The following OPN5 variants were observed in gnomAD, a reference collection of about 807,000 sequenced individuals.
The protein encoded by OPN5 is opsin 5.
A neutral mutation model predicts 41.7 loss-of-function variants in OPN5; 18 were observed. That is an observed-to-expected ratio of 0.43 (90% CI 0.30 to 0.64). OPN5 has a LOEUF of 0.64. OPN5 is among the 30% of genes least tolerant of loss of function. The pLI is 0.13. For synonymous variants in OPN5, 178 were observed against 164.3 expected (o/e 1.08, Z -0.64); for missense variants, 318 against 434.5 (o/e 0.73, Z 2.38).
chr6:47,802,340 C>G (rs1476418426), intron 4 of OPN5, among the ~76,000 whole-genome samples: 1 of 152,062 alleles, frequency 6.6e-6, no homozygotes, highest in Non-Finnish European at 1.5e-5. Context: ...ACTGCAGCTT[C>G]CCAGTGTTAC....
chr6:47,798,546 C>A (rs1773652312), intron 4 of OPN5, among the ~76,000 whole-genome samples: 1 of 150,664 alleles, frequency 6.6e-6, no homozygotes, highest in Non-Finnish European at 1.5e-5. Flanking sequence ...TATGTATATT[C>A]TTTTAATTTA....
At chr6:47,813,798 A>G (rs1762342098) in intron 6 of OPN5, among the ~76,000 whole-genome samples, 1 of 152,146 alleles carries the variant, frequency 6.6e-6, no homozygotes, top group Non-Finnish European at 1.5e-5. Context: ...GTGACAAAAA[A>G]GTGGTAATTG....
chr6:47,820,245 T>C (rs2114012522), intron 6 of OPN5, among the ~76,000 whole-genome samples: 1 of 152,274 alleles, frequency 6.6e-6, no homozygotes, highest in East Asian at 1.9e-4. Flanking sequence ...CTCTACTTTT[T>C]TACTTGTTTT....
At chr6:47,810,040 G>A (rs910979205) in intron 5 of OPN5, among the ~76,000 whole-genome samples, 3 of 152,204 alleles carry the variant, frequency 2.0e-5, no homozygotes, top group African/African-American at 7.2e-5. Context: ...TGGGAAGAGG[G>A]AAATTTATGT....
chr6:47,787,333 C>A, intron 2 of OPN5: 1 of 183,630 alleles, frequency 5.4e-6, no homozygotes, highest in Non-Finnish European at 1.0e-5. Flanking sequence ...TTTTTCACTT[C>A]TCTAATAACA....
At chr6:47,826,107 A>G (rs1441911055), downstream of OPN5, 1 of 152,092 alleles carries the variant, frequency 6.6e-6, no homozygotes, top group Non-Finnish European at 1.5e-5. Flanking sequence ...TTTTTTGAAC[A>G]TGTACAAAAG....
At chr6:47,785,489 G>A (rs1366721253) in intron 1 of OPN5, among the ~76,000 whole-genome samples, 1 of 152,068 alleles carries the variant, frequency 6.6e-6, no homozygotes, top group Non-Finnish European at 1.5e-5. Flanking sequence ...TTGTGGTGGA[G>A]AAGTAGAAAT....
intron 6 of OPN5, among the ~76,000 whole-genome samples, chr6:47,819,078 A>T (rs1209148270): frequency 6.6e-6 from 1 of 151,982 alleles, no homozygotes; most frequent in Non-Finnish European, 1.5e-5. Flanking sequence ...CTGCCAAAAA[A>T]ATATGCTTGC....
At chr6:47,810,158 C>T (rs1455826237) in intron 5 of OPN5, among the ~76,000 whole-genome samples, 1 of 152,194 alleles carries the variant, frequency 6.6e-6, no homozygotes, top group Non-Finnish European at 1.5e-5. Context: ...AGCAATTGCT[C>T]TGCTGGAGGA....
chr6:47,819,841 A>C (rs939208964), intron 6 of OPN5, among the ~76,000 whole-genome samples: 5 of 152,196 alleles, frequency 3.3e-5, no homozygotes, highest in South Asian at 2.1e-4. Flanking sequence ...CATTACAGTG[A>C]GAATATGATT....
At chr6:47,790,238 T>C (rs931179389) in intron 2 of OPN5, among the ~76,000 whole-genome samples, 3 of 152,180 alleles carry the variant, frequency 2.0e-5, no homozygotes, top group Non-Finnish European at 2.9e-5. Flanking sequence ...AAACAGTGAA[T>C]TTTTTTCTTT....
exon 1 of OPN5, chr6:47,782,169 G>T: frequency 6.2e-7 from 1 of 1,613,646 alleles, no homozygotes; most frequent in South Asian, 1.1e-5. Flanking sequence ...AGCGGATTTA[G>T]TGGCTGGCTT....
chr6:47,788,809 G>GGGA (rs1554139127), intron 2 of OPN5, among the ~76,000 whole-genome samples: 2 of 148,136 alleles, frequency 1.4e-5, no homozygotes, highest in East Asian at 4.0e-4. Context: ...ATAACCTGGG[G>GGGA]GGGGGCGGTG....
At chr6:47,784,591 C>G (rs1034080175) in intron 1 of OPN5, among the ~76,000 whole-genome samples, 1 of 152,072 alleles carries the variant, frequency 6.6e-6, no homozygotes, top group African/African-American at 2.4e-5. Flanking sequence ...AGCCACCGCG[C>G]CTGGCCAAGA....
intron 2 of OPN5, among the ~76,000 whole-genome samples, chr6:47,791,254 A>T (rs1773360505): frequency 6.6e-6 from 1 of 151,756 alleles, no homozygotes; most frequent in Non-Finnish European, 1.5e-5. Context: ...TCACCTCAGT[A>T]GATGCCAAAA....
intron 4 of OPN5, among the ~76,000 whole-genome samples, chr6:47,803,171 A>T (rs993854193): frequency 6.6e-6 from 1 of 152,172 alleles, no homozygotes; most frequent in African/African-American, 2.4e-5. Context: ...AAATTTCTTA[A>T]TTTCTTAAAA....
intron 4 of OPN5, among the ~76,000 whole-genome samples, chr6:47,801,383 T>C (rs996682768): frequency 3.3e-5 from 5 of 152,224 alleles, no homozygotes; most frequent in African/African-American, 1.2e-4. Context: ...CTCTTTTACA[T>C]TGACTGTGAA....
In OPN5 at chr6:47,811,602, G is replaced by C. The variant is rs41273688; in HGVS notation, c.999-72G>C. The C allele has an allele frequency of 1.5e-3, 1,332 of 891,160 alleles. 6 individuals carry two copies. The highest frequency in any genetic ancestry group is 2.3e-3 in the Non-Finnish European group (1,235 of 540,210). 55.2% of individuals were successfully genotyped at this position (891,160 alleles called of 1,614,324 possible). A position where few individuals can be genotyped will look rare whatever the true frequency, so the allele number is the denominator to read the frequency against. ...AGTCGTTTGACATATACATATGTATGTATATGTACATATGTATTTATGTGT... is the reference window on the plus strand; with the variant it reads ...AGTCGTTTGACATATACATATGTATCTATATGTACATATGTATTTATGTGT... On this transcript the variant is annotated intron_variant, in intron 5 of 6. Transcript: ENST00000371211.
chr6:47,821,812 G>T (rs942802975), intron 6 of OPN5, among the ~76,000 whole-genome samples: 1 of 152,122 alleles, frequency 6.6e-6, no homozygotes, highest in Non-Finnish European at 1.5e-5. Context: ...CTACAAATCT[G>T]CATTTAAGAA....
Sources: allele counts gnomAD v4.1 joint callset (sites outside exome capture counted in the v4.1 genomes callset), GRCh38; gene constraint gnomAD v4.1.1; transcripts MANE v1.5; gene names NCBI Gene and HGNC (gene_info 2026-07-23, HGNC 2026-07-21).